The following PTPRZ1 variants were observed in gnomAD, a reference collection of about 807,000 sequenced individuals.
PTPRZ1 encodes receptor-type tyrosine-protein phosphatase zeta.
PTPRZ1 carries 82 observed loss-of-function variants against 214.1 expected under a neutral mutation model. The observed-to-expected ratio is 0.38, with a 90% confidence interval of 0.32 to 0.46. The LOEUF is 0.46. Ranked by LOEUF, PTPRZ1 falls within the 20% of genes least tolerant of loss-of-function variation. The probability of loss-of-function intolerance (pLI) is 1.00; values close to 1 mark genes in which losing one functional copy is unlikely to be tolerated. For missense variants in PTPRZ1, 2,603 were observed against 2,748.7 expected, an observed-to-expected ratio of 0.95 and a Z score of 1.19; for synonymous variants, 945 against 987.9, an observed-to-expected ratio of 0.96 and a Z score of 0.81.
chr7:121,932,256 G>A (rs904692036), intron 2 of PTPRZ1, among the ~76,000 whole-genome samples: 1 of 152,052 alleles, frequency 6.6e-6, no homozygotes, highest in Non-Finnish European at 1.5e-5. Context: ...AACCTTTAAC[G>A]TGGATTATTC....
chr7:122,005,454 A>G (rs1798457303), intron 11 of PTPRZ1, among the ~76,000 whole-genome samples: 1 of 151,992 alleles, frequency 6.6e-6, no homozygotes. Flanking sequence ...ATCTAGCAAT[A>G]AATAACAATT....
intron 20 of PTPRZ1, among the ~76,000 whole-genome samples, chr7:122,039,796 G>A (rs1387491460): frequency 3.3e-5 from 5 of 152,038 alleles, no homozygotes; most frequent in Admixed American, 1.3e-4. Context: ...TCAGGAGGTC[G>A]AGACTAGCCT....
chr7:122,038,080 A>G (rs1353750193), intron 18 of PTPRZ1, among the ~76,000 whole-genome samples: 3 of 152,152 alleles, frequency 2.0e-5, no homozygotes, highest in Non-Finnish European at 4.4e-5. Context: ...TAACCATCAG[A>G]TCTCATGAGA....
At chr7:121,971,395 T>C (rs1376907847) in intron 3 of PTPRZ1, among the ~76,000 whole-genome samples, 1 of 152,188 alleles carries the variant, frequency 6.6e-6, no homozygotes, top group Non-Finnish European at 1.5e-5. Context: ...AATCATTCAA[T>C]GACAGAGGGT....
In PTPRZ1 at chr7:122,051,891, A is replaced by T; in HGVS notation, c.6204A>T (p.Ser2068=). ...IPVERSRVGI[S]SLSGEGTDYI... is the part of the protein sequence containing the mutation. The stretch of plus-strand genomic sequence containing the variant: ...TGGAAAGATCAAGGGTTGGCATTTC[A>T]TCCCTGAGTGGAGAAGGCACAGACT... The change falls in exon 25 of 30, where the codon TCA becomes TCT. Residue 2068 remains serine (S), a synonymous_variant. Coordinates refer to ENST00000393386, the MANE Select transcript of PTPRZ1 (RefSeq NM_002851.3). 6.2e-7 allele frequency: 1 copy of T among 1,612,548 alleles called. No homozygotes were observed. Among genetic ancestry groups the T allele is most frequent in the East Asian group, 2.2e-5 (1 of 44,840 alleles).
At chr7:121,969,003 C>T (rs912947761) in intron 3 of PTPRZ1, among the ~76,000 whole-genome samples, 1 of 151,742 alleles carries the variant, frequency 6.6e-6, no homozygotes, top group African/African-American at 2.4e-5. Context: ...TTCGGGAGGC[C>T]GAAGTGGCTG....
intron 10 of PTPRZ1, among the ~76,000 whole-genome samples, chr7:121,998,632 T>C (rs1308843799): frequency 2.0e-5 from 3 of 152,284 alleles, no homozygotes; most frequent in East Asian, 1.9e-4. Flanking sequence ...TCTTAGAGCA[T>C]ATGCAATAAC....
At chr7:122,006,315 A>G (rs1309817212) in intron 11 of PTPRZ1, among the ~76,000 whole-genome samples, 2 of 152,074 alleles carry the variant, frequency 1.3e-5, no homozygotes, top group African/African-American at 4.8e-5. Context: ...GTCATCCTAT[A>G]GTGCTATCAA....
chr7:121,983,125 A>T (rs1404240703), intron 6 of PTPRZ1, among the ~76,000 whole-genome samples: 1 of 152,032 alleles, frequency 6.6e-6, no homozygotes, highest in African/African-American at 2.4e-5. Context: ...TGATGGTATT[A>T]TTTTTTCCTA....
At chr7:121,909,790 A>G (rs1176633694) in intron 1 of PTPRZ1, among the ~76,000 whole-genome samples, 1 of 152,152 alleles carries the variant, frequency 6.6e-6, no homozygotes, top group Non-Finnish European at 1.5e-5. Flanking sequence ...CAATAAGAGT[A>G]TGTTATCTGA....
At chr7:121,964,125 T>C (rs749851907) in intron 2 of PTPRZ1, among the ~76,000 whole-genome samples, 4 of 152,186 alleles carry the variant, frequency 2.6e-5, no homozygotes, top group Admixed American at 1.3e-4. Context: ...ATTTGATCCT[T>C]ACGAGCTCAA....
chr7:121,969,510 G>A (rs980792216), intron 3 of PTPRZ1, among the ~76,000 whole-genome samples: 3 of 146,078 alleles, frequency 2.1e-5, no homozygotes, highest in African/African-American at 5.1e-5. Context: ...TGAGTGAGCT[G>A]AGATTGTGCC....
intron 1 of PTPRZ1, among the ~76,000 whole-genome samples, chr7:121,885,546 G>C (rs1308877099): frequency 6.6e-6 from 1 of 152,144 alleles, no homozygotes; most frequent in Non-Finnish European, 1.5e-5. Context: ...TGATGCCTCT[G>C]TCTTACCTGT....
intron 2 of PTPRZ1, among the ~76,000 whole-genome samples, chr7:121,966,698 A>C (rs1251253730): frequency 1.3e-5 from 2 of 152,160 alleles, no homozygotes; most frequent in Non-Finnish European, 2.9e-5. Context: ...TCATGGTGTG[A>C]CTAATTATTA....
At chr7:121,913,319 C>T (rs1036007655) in intron 1 of PTPRZ1, among the ~76,000 whole-genome samples, 2 of 152,074 alleles carry the variant, frequency 1.3e-5, no homozygotes, top group Admixed American at 6.6e-5. Context: ...TGGTGCCACT[C>T]GTGAATTACA....
chr7:121,977,709 A>ATTT (rs767899317), intron 6 of PTPRZ1, among the ~76,000 whole-genome samples: 1 of 137,172 alleles, frequency 7.3e-6, no homozygotes, highest in Non-Finnish European at 1.6e-5. Context: ...GGTAGCTTTT[A>ATTT]TTTTTTTTTT....
At chr7:121,882,702 T>C (rs994325592) in intron 1 of PTPRZ1, among the ~76,000 whole-genome samples, 1 of 152,128 alleles carries the variant, frequency 6.6e-6, no homozygotes, top group African/African-American at 2.4e-5. Flanking sequence ...TATCAGAGCA[T>C]AGGATGGATT....
chr7:122,046,555 A>G (rs1049886921), intron 23 of PTPRZ1, among the ~76,000 whole-genome samples: 2 of 152,208 alleles, frequency 1.3e-5, no homozygotes. Flanking sequence ...AGAGTTGAAC[A>G]CAGGATTTGG....
Position 122,039,550 on chromosome 7 carries a change from G to T in PTPRZ1, c.5599G>T (p.Val1867Leu), listed in dbSNP as rs773393474. ...KSVQVLAYYTVRNFTLRNTKI... is the reference protein window; with the variant it reads ...KSVQVLAYYTLRNFTLRNTKI... ...TGTGCAAGTGCTTGCCTATTATACT[G>T]TGAGGAATTTTACTCTAAGAAACAC... Residue 1867 changes from valine (V) to leucine (L), a missense_variant, in exon 20 of 30, where the codon GTG becomes TTG. By Grantham distance (32) the Val-to-Leu change is conservative. Around this residue, in one of 6 missense-constraint regions of PTPRZ1, gnomAD observed 1,913 missense variants for 1,914.3 expected, o/e 1.00. Coordinates refer to ENST00000393386, the MANE Select transcript of PTPRZ1 (RefSeq NM_002851.3). The T allele has an allele frequency of 1.2e-6, 2 of 1,613,946 alleles. No individual in the cohort carries two copies. Among genetic ancestry groups the T allele is most frequent in the Non-Finnish European group, 1.7e-6 (2 of 1,179,960 alleles).
Sources: allele counts gnomAD v4.1 joint callset (sites outside exome capture counted in the v4.1 genomes callset), GRCh38; gene constraint gnomAD v4.1.1; regional missense constraint gnomAD v4.1.1; transcripts MANE v1.5; gene names NCBI Gene and HGNC (gene_info 2026-07-23, HGNC 2026-07-21).